Variants in NOS1 observed in about 807,000 individuals in gnomAD.
The protein encoded by NOS1 is NOS type I.
NOS1 carries 51 observed loss-of-function variants against 164.5 expected under a neutral mutation model. That is an observed-to-expected ratio of 0.31 (90% CI 0.25 to 0.39). The LOEUF is 0.39. NOS1 is among the 10% of genes least tolerant of loss of function. NOS1 has a pLI of 1.00. For synonymous variants in NOS1, 719 were observed against 745.8 expected, an observed-to-expected ratio of 0.96 and a Z score of 0.59; for missense variants, 1,362 against 1,885.6, an observed-to-expected ratio of 0.72 and a Z score of 5.14.
rs1157499217 is a variant in NOS1, at chr12:117,260,546, G to A, written c.2286C>T (p.Ile762=). 1.9e-6 allele frequency: 3 copies of A among 1,614,154 alleles called. No homozygotes were observed. The highest frequency in any genetic ancestry group is 1.3e-5 in the African/African-American group (1 of 75,042). The part of the protein sequence containing the change: ...QAMAKRVKAT[I]LYATETGKSQ... ...ATTTGCCTGTCTCTGTGGCATAGAG[G>A]ATGGTCGCTTTCACCCTCTTGGCCA... Residue 762 remains isoleucine (I), a synonymous_variant, in exon 14 of 29, where the codon ATC becomes ATT. Coordinates refer to ENST00000317775, the MANE Select transcript of NOS1 (RefSeq NM_000620.5).
At chr12:117,316,333 T>C (rs553989613) in intron 2 of NOS1, among the ~76,000 whole-genome samples, 1 of 152,134 alleles carries the variant, frequency 6.6e-6, no homozygotes, top group Non-Finnish European at 1.5e-5. Flanking sequence ...AATTCTCTAC[T>C]ACCCTTCCAG....
At chr12:117,306,212 G>C (rs1268336311) in intron 3 of NOS1, among the ~76,000 whole-genome samples, 1 of 152,084 alleles carries the variant, frequency 6.6e-6, no homozygotes, top group Non-Finnish European at 1.5e-5. Flanking sequence ...GAACTCTCTA[G>C]GCTAAAACTG....
At chr12:117,336,828 A>G (rs1875842842) in intron 1 of NOS1, among the ~76,000 whole-genome samples, 1 of 152,056 alleles carries the variant, frequency 6.6e-6, no homozygotes. Flanking sequence ...ACAGGGTCTC[A>G]CTCTGTCACC....
chr12:117,246,539 GGTT>G (rs1870629957), intron 18 of NOS1, among the ~76,000 whole-genome samples: 1 of 152,100 alleles, frequency 6.6e-6, no homozygotes, highest in Non-Finnish European at 1.5e-5. Context: ...ACGTCCACAA[GGTT>G]ATGCAACCCT....
chr12:117,327,462 C>T (rs1485512483), intron 2 of NOS1, among the ~76,000 whole-genome samples: 1 of 152,214 alleles, frequency 6.6e-6, no homozygotes, highest in Non-Finnish European at 1.5e-5. Flanking sequence ...CAAGATGCCA[C>T]CTCCACTGGA....
Position 117,243,437 on chromosome 12 carries a change from T to C in NOS1, c.2824-2A>G. On this transcript the variant is annotated splice_acceptor_variant, in intron 18 of 28. Transcript: ENST00000317775. LOFTEE classifies it high-confidence loss of function. The surrounding 1 kb of genome is among the most constrained non-coding windows in gnomAD (Gnocchi z 4.3). ...CACACAGAAGACATCACAGGCTGCC[T>C]GTGGTGTACACAAGGCTTTCAGTGA... is the stretch of plus-strand genomic sequence containing the variant. The C allele has an allele frequency of 6.2e-7, 1 of 1,613,966 alleles. No homozygotes were observed. The highest frequency in any genetic ancestry group is 8.5e-7 in the Non-Finnish European group (1 of 1,179,934).
chr12:117,288,863 T>G (rs1320122880), intron 4 of NOS1, among the ~76,000 whole-genome samples: 2 of 152,066 alleles, frequency 1.3e-5, no homozygotes, highest in Non-Finnish European at 2.9e-5. Context: ...TGGAACAGGG[T>G]TGAGTTATCT....
intron 16 of NOS1, among the ~76,000 whole-genome samples, 184 bp from the exon 17 acceptor site, chr12:117,253,938 T>C (rs1871268206): frequency 1.3e-5 from 2 of 152,102 alleles, no homozygotes; most frequent in South Asian, 4.1e-4. Flanking sequence ...ACCACAGTGG[T>C]AACTGTTCAT....
chr12:117,223,064 C>T (rs1021811295), intron 25 of NOS1, among the ~76,000 whole-genome samples: 12 of 152,144 alleles, frequency 7.9e-5, no homozygotes, highest in Admixed American at 2.0e-4. Flanking sequence ...CATACACACA[C>T]ATACATATGC....
Position 117,247,468 on chromosome 12 carries a change from T to A in NOS1, c.2703A>T (p.Gly901=). Reference sequence around the variant, plus strand: ...CTTCCAGGAGGGTGTCCACAGCGTGTCCGAAGGCGCAAAAGTGAGGGTATG... The same window carrying A: ...CTTCCAGGAGGGTGTCCACAGCGTGACCGAAGGCGCAAAAGTGAGGGTATG... The part of the protein sequence containing the change: ...SRAYPHFCAF[G]HAVDTLLEEL... The change falls in exon 18 of 29, where the codon GGA becomes GGT. Residue 901 remains glycine, a synonymous_variant. Coordinates refer to ENST00000317775, the MANE Select transcript of NOS1 (RefSeq NM_000620.5). 6.2e-7 allele frequency: 1 copy of A among 1,612,914 alleles called. No individual in the cohort carries two copies. Among genetic ancestry groups the A allele is most frequent in the Non-Finnish European group, 8.5e-7 (1 of 1,179,666 alleles).
At chr12:117,316,468 T>A (rs1460366397) in intron 2 of NOS1, among the ~76,000 whole-genome samples, 1 of 152,222 alleles carries the variant, frequency 6.6e-6, no homozygotes, top group East Asian at 1.9e-4. Context: ...TTCCCTCTGC[T>A]GAGAGCCAAC....
Position 117,263,869 on chromosome 12 carries a change from G to T in NOS1, c.2222+20C>A. 1.3e-6 allele frequency: 2 copies of T among 1,597,998 alleles called. No individual in the cohort carries two copies. The highest frequency in any genetic ancestry group is 1.7e-6 in the Non-Finnish European group (2 of 1,165,736). On this transcript the variant is annotated intron_variant, in intron 13 of 28. Coordinates refer to ENST00000317775, the MANE Select transcript of NOS1 (RefSeq NM_000620.5). The stretch of plus-strand genomic sequence containing the variant: ...GTTTGTGGGGACATCCACCCCACCC[G>T]CCCACTGCACGAAACTTACTCTGCT...
intron 17 of NOS1, among the ~76,000 whole-genome samples, chr12:117,251,214 A>G (rs374609656): frequency 1.7e-3 from 262 of 152,262 alleles, no homozygotes; most frequent in African/African-American, 6.1e-3. Flanking sequence ...ATCTGCTGGC[A>G]CCTTGATCTT....
chr12:117,261,444 G>C (rs1317050058), intron 13 of NOS1, among the ~76,000 whole-genome samples: 2 of 151,948 alleles, frequency 1.3e-5, no homozygotes, highest in African/African-American at 4.8e-5. Flanking sequence ...GCTGTCATAG[G>C]GCTCATATTC....
chr12:117,301,048 A>G (rs1873781664), intron 3 of NOS1, among the ~76,000 whole-genome samples: 1 of 152,152 alleles, frequency 6.6e-6, no homozygotes, highest in Non-Finnish European at 1.5e-5. Flanking sequence ...TTGAAAGTAG[A>G]AGTTTTCAGA....
intron 16 of NOS1, 25 bp downstream of exon 16, chr12:117,258,372 G>A (rs1434209206): frequency 1.2e-6 from 2 of 1,613,134 alleles, no homozygotes; most frequent in Non-Finnish European, 1.7e-6. Context: ...GGTGGCGGGT[G>A]ACGTCGGAGG....
At chr12:117,236,971 C>T (rs1487142100) in intron 20 of NOS1, among the ~76,000 whole-genome samples, 2 of 152,138 alleles carry the variant, frequency 1.3e-5, no homozygotes, top group Admixed American at 6.5e-5. Flanking sequence ...AGGGGACTGA[C>T]TCTGCATGCC....
intron 17 of NOS1, among the ~76,000 whole-genome samples, chr12:117,251,405 C>G (rs1871091995): frequency 6.6e-6 from 1 of 152,054 alleles, no homozygotes; most frequent in Admixed American, 6.5e-5. Context: ...AGGACCTAGA[C>G]TACAGTTACT....
intron 17 of NOS1, among the ~76,000 whole-genome samples, chr12:117,248,729 G>A (rs1455076901): frequency 1.3e-5 from 2 of 152,110 alleles, no homozygotes. Flanking sequence ...GGATGGCTGG[G>A]TCAAATGGTA....
Sources: gnomAD v4.1 joint callset for allele counts (sites outside exome capture counted in the v4.1 genomes callset) on GRCh38, gnomAD v4.1.1 for gene constraint, Gnocchi (gnomAD v3.1) non-coding constraint, MANE v1.5 for transcripts, NCBI Gene and HGNC (gene_info 2026-07-23, HGNC 2026-07-21) for gene names.